The following LRRC9 variants were observed in gnomAD, a reference collection of about 807,000 sequenced individuals.
The protein encoded by LRRC9 is leucine rich repeat containing 9.
In LRRC9, 122 loss-of-function variants were observed where a neutral mutation model predicts 63.2. The ratio of observed to expected loss-of-function variants is 1.93; its 90% CI spans 1.67 to 2.24. The LOEUF (loss-of-function observed/expected upper bound fraction) is 2.24. Among genes scored for constraint, LRRC9 ranks in the 30% most tolerant of loss-of-function variants. The pLI is 0.00. For missense variants in LRRC9, 1,071 were observed against 627.7 expected (o/e 1.71, Z -7.55); for synonymous variants, 366 against 213.1 (o/e 1.72, Z -6.25).
chr14:59,985,233 T>C lies in LRRC9; in HGVS notation c.2211+9T>C, dbSNP rs1240565546. 5 of 621,972 alleles carry C rather than the reference T, an allele frequency of 8.0e-6. No homozygotes were observed. The highest frequency in any genetic ancestry group is 1.8e-5 in the African/African-American group (1 of 55,214). 38.5% of individuals were successfully genotyped at this position (621,972 alleles called of 1,614,324 possible). On this transcript the variant is annotated intron_variant, in intron 17 of 31. Coordinates refer to ENST00000445360, the Ensembl canonical transcript of LRRC9. ...ATGATGTATACCACTTGGTAAGAATTGTTCCTTTGAATCTAAAAAAGTGAA... is the reference window on the plus strand; with the variant it reads ...ATGATGTATACCACTTGGTAAGAATCGTTCCTTTGAATCTAAAAAAGTGAA...
chr14:60,022,771 C>T lies in LRRC9; in HGVS notation c.3604C>T (p.His1202Tyr), dbSNP rs1487701126. The T allele has an allele frequency of 1.0e-5, 7 of 674,534 alleles. No individual in the cohort carries two copies. The East Asian group carries it at 1.7e-4, about 16-fold the overall frequency. The allele number at this position is 674,534 out of a possible 1,614,324, so 41.8% of individuals were successfully genotyped here. ...CAGTGAAAATTTGCCTCCAATAATGCACAGTTTAGAAGTTCTTCATTTGGG... is the reference window on the plus strand; with the variant it reads ...CAGTGAAAATTTGCCTCCAATAATGTACAGTTTAGAAGTTCTTCATTTGGG... Residue 1202 changes from histidine (H) to tyrosine (Y), a missense_variant, in exon 27 of 32, where the codon CAC becomes TAC. Transcript: ENST00000445360.
chr14:60,022,440 GAC>G (rs1566883894), intron 26 of LRRC9, among the ~76,000 whole-genome samples: 1 of 151,642 alleles, frequency 6.6e-6, no homozygotes, highest in African/African-American at 2.4e-5. Context: ...TGAAAATAAA[GAC>G]AGTTTTATTT....
chr14:59,943,112 T>C (rs568798583), intron 7 of LRRC9, among the ~76,000 whole-genome samples: 1 of 152,244 alleles, frequency 6.6e-6, no homozygotes. Context: ...CTCCCTTCCA[T>C]AGGTTGTCTC....
rs1894570515 is a variant in LRRC9 at position 60,060,286 on chromosome 14, A to G, written c.4276+2264A>G. On this transcript the variant is annotated intron_variant, in intron 31 of 31. Transcript: ENST00000445360. The surrounding 1 kb of genome is among the most constrained non-coding windows in gnomAD (Gnocchi z 4.0). ...TTCCAAAGACTACTGCTCACTGACA[A>G]TGCACCTAGTCACCTAATAACTCTG... Among the ~76,000 whole-genome samples, 1 of 152,208 alleles carries G rather than the reference A, an allele frequency of 6.6e-6. No individual in the cohort carries two copies.
intron 17 of LRRC9, among the ~76,000 whole-genome samples, chr14:59,988,897 G>C (rs1262982472): frequency 6.6e-6 from 1 of 152,028 alleles, no homozygotes; most frequent in Non-Finnish European, 1.5e-5. Context: ...CTTTATACTT[G>C]AAAGGTGGTT....
At chr14:59,982,869 C>T (rs898388989) in intron 16 of LRRC9, among the ~76,000 whole-genome samples, 1 of 152,140 alleles carries the variant, frequency 6.6e-6, no homozygotes. Flanking sequence ...TCCTGAATAA[C>T]CAATCAGCTC....
intron 19 of LRRC9, 94 bp from the exon 20 acceptor site, chr14:60,001,872 A>C (rs1889395835): frequency 2.3e-6 from 1 of 425,796 alleles, no homozygotes; most frequent in Admixed American, 4.2e-5. Context: ...TTATTGGGCC[A>C]CTCATCTTCC....
Position 60,027,224 on chromosome 14 carries a change from G to A in LRRC9, c.3704-660G>A, listed in dbSNP as rs1243716180. Among the ~76,000 whole-genome samples the A allele has an allele frequency of 2.0e-5, 3 of 151,974 alleles. No homozygotes were observed. Among genetic ancestry groups the A allele is most frequent in the Non-Finnish European group, 2.9e-5 (2 of 67,954 alleles). Reference sequence around the variant, plus strand: ...AAAAAAGAGATAAAATATTTCCCCTGTAGTATTTTGAGACTCTAATAGAAA... The same window carrying A: ...AAAAAAGAGATAAAATATTTCCCCTATAGTATTTTGAGACTCTAATAGAAA... On this transcript the variant is annotated intron_variant, in intron 27 of 31. Transcript: ENST00000445360. This position sits in a 1 kb window ranked among gnomAD's most constrained non-coding sequence, Gnocchi z 4.0.
In LRRC9 at chr14:59,966,979, A is replaced by C. The variant is rs1204629082; in HGVS notation, c.1389-117A>C. On this transcript the variant is annotated intron_variant, in intron 11 of 31. Transcript: ENST00000445360. The surrounding 1 kb of genome is among the most constrained non-coding windows in gnomAD (Gnocchi z 4.0). ...AGGCAGGGGAGCTATTAATAATGACACTAGAACATTGCATGTCAATGACAA... is the reference window on the plus strand; with the variant it reads ...AGGCAGGGGAGCTATTAATAATGACCCTAGAACATTGCATGTCAATGACAA... The C allele has an allele frequency of 9.1e-6, 5 of 549,204 alleles. No homozygotes were observed. Among genetic ancestry groups the C allele is most frequent in the African/African-American group, 1.9e-5 (1 of 53,518 alleles). 34.0% of individuals were successfully genotyped at this position (549,204 alleles called of 1,614,324 possible).
At chr14:59,948,347 T>C (rs1882698099) in intron 8 of LRRC9, among the ~76,000 whole-genome samples, 1 of 144,814 alleles carries the variant, frequency 6.9e-6, no homozygotes, top group Admixed American at 7.0e-5. Flanking sequence ...GTGATTTTTG[T>C]ACATTAATTT....
At chr14:60,022,402 G>A (rs1158384287) in intron 26 of LRRC9, among the ~76,000 whole-genome samples, 1 of 151,452 alleles carries the variant, frequency 6.6e-6, no homozygotes, top group Non-Finnish European at 1.5e-5. Context: ...GATCTTTTAG[G>A]ATTTTCTAAA....
intron 6 of LRRC9, among the ~76,000 whole-genome samples, chr14:59,934,441 A>C (rs2139800355): frequency 6.6e-6 from 1 of 152,340 alleles, no homozygotes; most frequent in Non-Finnish European, 1.5e-5. Flanking sequence ...GAAATGGGTA[A>C]AGAGCAGTCA....
intron 12 of LRRC9, among the ~76,000 whole-genome samples, chr14:59,967,711 C>T (rs936033373): frequency 6.6e-6 from 1 of 152,180 alleles, no homozygotes; most frequent in African/African-American, 2.4e-5. Context: ...TCTCAGACCT[C>T]CACCATCTTG....
At chr14:59,979,394 G>T (rs921664412) in intron 15 of LRRC9, among the ~76,000 whole-genome samples, 1 of 152,122 alleles carries the variant, frequency 6.6e-6, no homozygotes, top group African/African-American at 2.4e-5. Flanking sequence ...CAAGGCAGGC[G>T]GATCATGAGG....
chr14:60,013,004 A>T (rs750703622), intron 23 of LRRC9, among the ~76,000 whole-genome samples: 129 of 151,264 alleles, frequency 8.5e-4, no homozygotes, highest in Non-Finnish European at 8.4e-4. Context: ...ACATGTGCAC[A>T]ATGTGCAGGT....
At chr14:60,030,606 ACTG>A (rs1595065634) in intron 28 of LRRC9, among the ~76,000 whole-genome samples, 2 of 152,156 alleles carry the variant, frequency 1.3e-5, no homozygotes, top group East Asian at 3.9e-4. Flanking sequence ...TATTATTATA[ACTG>A]CTTTAGGTAC....
intron 28 of LRRC9, among the ~76,000 whole-genome samples, chr14:60,029,761 A>G (rs1891845509): frequency 6.6e-6 from 1 of 152,148 alleles, no homozygotes; most frequent in South Asian, 2.1e-4. Context: ...ATGACAAATT[A>G]TATATCATGA....
intron 8 of LRRC9, among the ~76,000 whole-genome samples, chr14:59,953,199 T>A (rs909483731): frequency 2.0e-5 from 3 of 152,202 alleles, no homozygotes; most frequent in African/African-American, 7.2e-5. Flanking sequence ...GGGTCAAATG[T>A]TATTTCTGGT....
rs1042070060 is a variant in LRRC9, at chr14:59,986,185, G to A, written c.2211+961G>A. ...TACAGGAATGCACATGTACACATAGGCATGGATATTGTCTGGCTTTTATTT... is the reference window on the plus strand; with the variant it reads ...TACAGGAATGCACATGTACACATAGACATGGATATTGTCTGGCTTTTATTT... On this transcript the variant is annotated intron_variant, in intron 17 of 31. Coordinates refer to ENST00000445360, the Ensembl canonical transcript of LRRC9. This position sits in a 1 kb window ranked among gnomAD's most constrained non-coding sequence, Gnocchi z 4.7. Among the ~76,000 whole-genome samples, 2 of 152,104 alleles carry A rather than the reference G, an allele frequency of 1.3e-5. No homozygotes were observed. The highest frequency in any genetic ancestry group is 4.8e-5 in the African/African-American group (2 of 41,404).
Sources: allele counts gnomAD v4.1 joint callset (sites outside exome capture counted in the v4.1 genomes callset), GRCh38; gene constraint gnomAD v4.1.1; non-coding constraint Gnocchi (gnomAD v3.1); transcripts MANE v1.5; gene names NCBI Gene and HGNC (gene_info 2026-07-23, HGNC 2026-07-21).